Variants in MECOM observed in about 807,000 individuals in gnomAD.
The protein encoded by MECOM is histone-lysine N-methyltransferase MECOM.
A neutral mutation model predicts 116.3 loss-of-function variants in MECOM; 13 were observed. The ratio of observed to expected loss-of-function variants is 0.11; its 90% confidence interval spans 0.07 to 0.18. MECOM has a LOEUF of 0.18. MECOM is among the 10% of genes least tolerant of loss of function. MECOM has a pLI of 1.00. For synonymous variants in MECOM, 528 were observed against 535.2 expected, an observed-to-expected ratio of 0.99 and a Z score of 0.19; for missense variants, 1,299 against 1,509.0, an observed-to-expected ratio of 0.86 and a Z score of 2.31.
At chr3:169,299,959 C>T (rs894994073) in intron 2 of MECOM, among the ~76,000 whole-genome samples, 10 of 152,150 alleles carry the variant, frequency 6.6e-5, no homozygotes, top group African/African-American at 2.2e-4. Context: ...TATCATTTCA[C>T]TTTCCTTTCC....
At chr3:169,347,432 T>C (rs1184185101) in intron 2 of MECOM, among the ~76,000 whole-genome samples, 1 of 152,056 alleles carries the variant, frequency 6.6e-6, no homozygotes, top group Non-Finnish European at 1.5e-5. Flanking sequence ...TGCATTTTCC[T>C]GTAAACTTTT....
At chr3:169,325,854 T>C (rs1721748851) in intron 2 of MECOM, among the ~76,000 whole-genome samples, 3 of 152,226 alleles carry the variant, frequency 2.0e-5, no homozygotes, top group African/African-American at 7.2e-5. Flanking sequence ...TGCGTTGATT[T>C]CTACGAAGAA....
chr3:169,376,220 T>C lies in MECOM; in HGVS notation c.375+4967A>G, dbSNP rs567740953. ...ATTTATGATACACCCACAGCCAATATCATACTGAATGGGCAAAAGCTGGAA... is the reference window on the plus strand; with the variant it reads ...ATTTATGATACACCCACAGCCAATACCATACTGAATGGGCAAAAGCTGGAA... On this transcript the variant is annotated intron_variant, in intron 2 of 16. Transcript: ENST00000651503. Among the ~76,000 whole-genome samples the C allele has an allele frequency of 3.3e-5, 5 of 152,272 alleles. No homozygotes were observed. In the East Asian group the frequency reaches 9.6e-4, roughly 29 times the overall value.
chr3:169,234,961 G>A (rs907763399), intron 2 of MECOM, among the ~76,000 whole-genome samples: 1 of 152,178 alleles, frequency 6.6e-6, no homozygotes, highest in Non-Finnish European at 1.5e-5. Flanking sequence ...TTTTTAATTG[G>A]TTTGCAATAT....
chr3:169,629,785 C>T (rs533922689), intron 1 of MECOM, among the ~76,000 whole-genome samples: 15 of 152,208 alleles, frequency 9.9e-5, no homozygotes, highest in Non-Finnish European at 2.2e-4. Flanking sequence ...ACCACTGCCA[C>T]GAAGGCCCAT....
intron 1 of MECOM, among the ~76,000 whole-genome samples, chr3:169,389,411 A>G (rs957318578): frequency 6.6e-6 from 1 of 152,264 alleles, no homozygotes; most frequent in African/African-American, 2.4e-5. Flanking sequence ...GTTGTTAAGG[A>G]GCCACCGTCA....
intron 1 of MECOM, among the ~76,000 whole-genome samples, chr3:169,581,004 T>TCCAACA (rs1359918317): frequency 1.3e-5 from 2 of 152,056 alleles, no homozygotes; most frequent in Non-Finnish European, 2.9e-5. Context: ...GGAACCCAAA[T>TCCAACA]CCAACACCAA....
chr3:169,380,515 G>GTTGCCAAA (rs1732220657), intron 2 of MECOM, among the ~76,000 whole-genome samples: 1 of 152,020 alleles, frequency 6.6e-6, no homozygotes, highest in Non-Finnish European at 1.5e-5. Flanking sequence ...ATTCTTAGAT[G>GTTGCCAAA]TTGCCAAATG....
intron 1 of MECOM, among the ~76,000 whole-genome samples, chr3:169,465,635 C>T (rs576555177): frequency 4.7e-4 from 71 of 152,216 alleles, no homozygotes; most frequent in Non-Finnish European, 4.6e-4. Context: ...TTCACTTTGG[C>T]CTCAGCTGTT....
At chr3:169,603,253 A>C (rs1232402737) in intron 1 of MECOM, among the ~76,000 whole-genome samples, 1 of 152,152 alleles carries the variant, frequency 6.6e-6, no homozygotes, top group Non-Finnish European at 1.5e-5. Flanking sequence ...TTTTAAAAGA[A>C]AGTTTTTAAA....
intron 1 of MECOM, among the ~76,000 whole-genome samples, chr3:169,428,388 G>A (rs1025360191): frequency 5.3e-5 from 8 of 152,066 alleles, no homozygotes; most frequent in African/African-American, 1.2e-4. Flanking sequence ...CTTCACATGC[G>A]CAGTTCACAA....
chr3:169,235,893 C>T (rs1753996637), intron 2 of MECOM, among the ~76,000 whole-genome samples: 1 of 150,006 alleles, frequency 6.7e-6, no homozygotes, highest in African/African-American at 2.4e-5. Flanking sequence ...AAGGGACAGA[C>T]GCTCCTTGAC....
At chr3:169,241,056 T>C (rs966667889) in intron 2 of MECOM, among the ~76,000 whole-genome samples, 1 of 152,184 alleles carries the variant, frequency 6.6e-6, no homozygotes, top group Admixed American at 6.5e-5. Context: ...TCAAGACCCT[T>C]GTCTGCTTTT....
chr3:169,405,589 C>T (rs1560231436), intron 1 of MECOM, among the ~76,000 whole-genome samples: 1 of 152,130 alleles, frequency 6.6e-6, no homozygotes, highest in African/African-American at 2.4e-5. Flanking sequence ...GTTAATAGTA[C>T]CATACAAGTC....
chr3:169,498,813 A>T (rs1387765310), intron 1 of MECOM, among the ~76,000 whole-genome samples: 1 of 152,234 alleles, frequency 6.6e-6, no homozygotes, highest in Admixed American at 6.5e-5. Flanking sequence ...AATGGACTTT[A>T]AATAATGATG....
intron 2 of MECOM, among the ~76,000 whole-genome samples, chr3:169,158,615 A>C (rs1220966368): frequency 6.6e-6 from 1 of 152,142 alleles, no homozygotes; most frequent in Non-Finnish European, 1.5e-5. Flanking sequence ...CAAATATACC[A>C]CTTCCTCTGG....
chr3:169,118,925 A>G (rs1050996753), intron 7 of MECOM, among the ~76,000 whole-genome samples: 4 of 152,248 alleles, frequency 2.6e-5, no homozygotes, highest in Admixed American at 2.6e-4. Context: ...CCAGGCCTCC[A>G]GGTAAACTGG....
At chr3:169,444,588 A>G (rs1744292797) in intron 1 of MECOM, among the ~76,000 whole-genome samples, 1 of 152,176 alleles carries the variant, frequency 6.6e-6, no homozygotes, top group Admixed American at 6.5e-5. Flanking sequence ...TGTAAGCTCA[A>G]TTAAACCTTT....
At chr3:169,105,206 A>C (rs1479847710) in intron 10 of MECOM, among the ~76,000 whole-genome samples, 1 of 152,198 alleles carries the variant, frequency 6.6e-6, no homozygotes, top group Non-Finnish European at 1.5e-5. Flanking sequence ...AGTTGACCTC[A>C]GTTGAAAAGA....
Sources: allele counts gnomAD v4.1 joint callset (sites outside exome capture counted in the v4.1 genomes callset), GRCh38; gene constraint gnomAD v4.1.1; transcripts MANE v1.5; gene names NCBI Gene and HGNC (gene_info 2026-07-23, HGNC 2026-07-21).